TMEM63C: variants seen among roughly 807,000 people sequenced by gnomAD.
TMEM63C encodes the protein transmembrane protein 63C.
TMEM63C carries 32 observed loss-of-function variants against 99.2 expected under a neutral mutation model. The observed-to-expected ratio is 0.32, with a 90% CI of 0.24 to 0.43. The LOEUF is 0.43. Ranked by LOEUF, TMEM63C falls within the 20% of genes least tolerant of loss-of-function variation. TMEM63C has a pLI of 1.00. For missense variants in TMEM63C, 826 were observed against 1,053.0 expected (o/e 0.78, Z 2.98); for synonymous variants, 376 against 397.9 (o/e 0.94, Z 0.66).
chr14:77,217,206 C>T (rs898821205), intron 2 of TMEM63C, among the ~76,000 whole-genome samples: 2 of 152,096 alleles, frequency 1.3e-5, no homozygotes, highest in Non-Finnish European at 2.9e-5. Context: ...CTTTGCCCTG[C>T]CCTGTGCAGC....
At chr14:77,211,914 C>A (rs1454497836) in intron 1 of TMEM63C, among the ~76,000 whole-genome samples, 3 of 152,210 alleles carry the variant, frequency 2.0e-5, no homozygotes, top group South Asian at 4.1e-4. Context: ...CCTTGGCCCA[C>A]AAAGCAAGGC....
At chr14:77,208,892 T>A (rs1249666827) in intron 1 of TMEM63C, among the ~76,000 whole-genome samples, 3 of 152,184 alleles carry the variant, frequency 2.0e-5, no homozygotes, top group Non-Finnish European at 4.4e-5. Context: ...TCCATGGTGC[T>A]GAGAGCCCAG....
chr14:77,246,740 T>G, intron 18 of TMEM63C, 66 bp downstream of exon 18: 1 of 1,346,396 alleles, frequency 7.4e-7, no homozygotes, highest in Non-Finnish European at 1.0e-6. Context: ...TATGTGCTCT[T>G]CCCTGAGTCC....
At chr14:77,238,400 A>T (rs573379565) in intron 9 of TMEM63C, among the ~76,000 whole-genome samples, 1 of 152,328 alleles carries the variant, frequency 6.6e-6, no homozygotes, top group Non-Finnish European at 1.5e-5. Flanking sequence ...CCTTCACCAC[A>T]GCAGTCCGGA....
chr14:77,225,471 C>G lies in TMEM63C; in HGVS notation c.350+10C>G, dbSNP rs746391615. 9 of 1,612,474 alleles carry G rather than the reference C, an allele frequency of 5.6e-6. No individual in the cohort carries two copies. The highest frequency in any genetic ancestry group is 7.6e-6 in the Non-Finnish European group (9 of 1,179,330). On this transcript the variant is annotated intron_variant, in intron 6 of 23. Coordinates refer to ENST00000298351, the MANE Select transcript of TMEM63C (RefSeq NM_020431.4). ...ACAGCATAACAATGAAGTAAGTGCC[C>G]GGGCTCTGTGAGCTTGTGACCGTGT...
In TMEM63C at chr14:77,240,268, C is replaced by T. The variant is rs550661871; in HGVS notation, c.931-207C>T. Reference sequence around the variant, plus strand: ...GGTACCCCTAGCTATGCCTCACTTTCCCCAGATCTAAGGGCAGGGGTGAAT... The same window carrying T: ...GGTACCCCTAGCTATGCCTCACTTTTCCCAGATCTAAGGGCAGGGGTGAAT... On this transcript the variant is annotated intron_variant, in intron 12 of 23. Coordinates refer to ENST00000298351, the MANE Select transcript of TMEM63C (RefSeq NM_020431.4). 4.6e-5 allele frequency among the ~76,000 whole-genome samples: 7 copies of T among 152,338 alleles called. No homozygotes were observed. The East Asian group carries it at 9.7e-4, about 21-fold the overall frequency.
At chr14:77,219,355 T>G in intron 3 of TMEM63C, 143 bp from the exon 4 acceptor site, 2 of 767,006 alleles carry the variant, frequency 2.6e-6, no homozygotes, top group East Asian at 2.5e-5. Flanking sequence ...GAATGGCCCC[T>G]ACTCCAACAG....
At chr14:77,238,389 C>T (rs1889098565) in intron 9 of TMEM63C, among the ~76,000 whole-genome samples, 1 of 152,256 alleles carries the variant, frequency 6.6e-6, no homozygotes, top group East Asian at 1.9e-4. Flanking sequence ...AGTCCTTCCT[C>T]CCTTCACCAC....
rs1167067605 is a variant in TMEM63C at position 77,218,750 on chromosome 14, C to CA, written c.-13-47dup. ...CTCCCCATCGGGCTTCTGTGTTTTG[C>CA]AAAATGCAAGGGAGTCTTTGCATCT... On this transcript the variant is annotated intron_variant, in intron 2 of 23. Transcript: ENST00000298351. 37 of 1,588,680 alleles carry CA rather than the reference C, an allele frequency of 2.3e-5. 1 individual carries two copies. The East Asian group carries it at 8.3e-4, about 36-fold the overall frequency.
At chr14:77,236,499 A>C (rs1350803625) in intron 8 of TMEM63C, 125 bp from the exon 9 acceptor site, 1 of 595,366 alleles carries the variant, frequency 1.7e-6, no homozygotes, top group African/African-American at 2.5e-5. Context: ...TGGGGGTCTG[A>C]GGAGACTGTG....
chr14:77,244,366 G>T lies in TMEM63C; in HGVS notation c.1359G>T (p.Gln453His), dbSNP rs1360957989. Reference sequence around the variant, plus strand: ...CCCTGCAGAACCCAATTGTGACCCAGTTCTTCCCCTCTGTGATGCTCTGGG... The same window carrying T: ...CCCTGCAGAACCCAATTGTGACCCATTTCTTCCCCTCTGTGATGCTCTGGG... ...IEKLQNPIVT[Q>H]FFPSVMLWGF... is the part of the protein sequence containing the mutation. Residue 453 changes from glutamine to histidine, a missense_variant, in exon 16 of 24, where the codon CAG (glutamine) becomes CAT (histidine). Transcript: ENST00000298351. 1 of 1,613,908 alleles carries T rather than the reference G, an allele frequency of 6.2e-7. No individual in the cohort carries two copies.
intron 1 of TMEM63C, among the ~76,000 whole-genome samples, chr14:77,203,525 C>T (rs1888339427): frequency 6.6e-6 from 1 of 152,198 alleles, no homozygotes; most frequent in East Asian, 1.9e-4. Flanking sequence ...CAGGAGGCAG[C>T]ATTCTCCATG....
At chr14:77,228,084 C>A (rs1888863724) in intron 6 of TMEM63C, among the ~76,000 whole-genome samples, 1 of 151,990 alleles carries the variant, frequency 6.6e-6, no homozygotes. Flanking sequence ...ATGGATCCAG[C>A]ACGTCTTCAG....
chr14:77,194,252 T>C (rs1888161587), intron 1 of TMEM63C, among the ~76,000 whole-genome samples: 1 of 152,178 alleles, frequency 6.6e-6, no homozygotes, highest in Non-Finnish European at 1.5e-5. Context: ...GTGTGATGTA[T>C]GTTAATTAGC....
At chr14:77,186,355 G>T (rs898261278) in intron 1 of TMEM63C, among the ~76,000 whole-genome samples, 6 of 152,118 alleles carry the variant, frequency 3.9e-5, no homozygotes, top group African/African-American at 1.4e-4. Context: ...TTCAAGAATG[G>T]CTGACCAACA....
At chr14:77,208,019 T>C (rs1401235166) in intron 1 of TMEM63C, among the ~76,000 whole-genome samples, 1 of 152,066 alleles carries the variant, frequency 6.6e-6, no homozygotes, top group Non-Finnish European at 1.5e-5. Flanking sequence ...CGGTACTAAC[T>C]CCCTGATCTG....
chr14:77,196,729 G>T (rs1021641418), intron 1 of TMEM63C, among the ~76,000 whole-genome samples: 1 of 152,198 alleles, frequency 6.6e-6, no homozygotes, highest in Non-Finnish European at 1.5e-5. Context: ...GAATCCAACC[G>T]CAATCTCTTT....
chr14:77,259,333 A>G lies in TMEM63C; in HGVS notation c.*2607A>G. On this transcript the variant is annotated 3_prime_UTR_variant, in exon 24 of 24. Coordinates refer to ENST00000298351, the MANE Select transcript of TMEM63C (RefSeq NM_020431.4). ...TGCCTGACCCTCCACTGCCCCTGGA[A>G]GCAAAGTGCCTATCAGCAGCGTTGC... 1 of 152,722 alleles carries G rather than the reference A, an allele frequency of 6.5e-6. No homozygotes were observed. Among genetic ancestry groups the G allele is most frequent in the Non-Finnish European group, 1.5e-5 (1 of 68,246 alleles). 9.5% of individuals were successfully genotyped at this position (152,722 alleles called of 1,614,324 possible).
chr14:77,206,771 A>G (rs1365528383), intron 1 of TMEM63C, among the ~76,000 whole-genome samples: 1 of 152,192 alleles, frequency 6.6e-6, no homozygotes, highest in Non-Finnish European at 1.5e-5. Context: ...TCCTTTTAAT[A>G]TATGATCTTT....
Sources: gnomAD v4.1 joint callset for allele counts (sites outside exome capture counted in the v4.1 genomes callset) on GRCh38, gnomAD v4.1.1 for gene constraint, MANE v1.5 for transcripts, NCBI Gene and HGNC (gene_info 2026-07-23, HGNC 2026-07-21) for gene names.